The following DYM variants were observed in gnomAD, a reference collection of about 807,000 sequenced individuals.
DYM encodes dymeclin.
In DYM, 78 loss-of-function variants were observed where a neutral mutation model predicts 93.1. The ratio of observed to expected loss-of-function variants is 0.84; its 90% CI spans 0.70 to 1.01. The LOEUF (loss-of-function observed/expected upper bound fraction) is 1.01, where lower values mean the gene tolerates loss of function less well. Ranked by LOEUF, DYM falls within the 50% of genes least tolerant of loss-of-function variation. The pLI, the probability that DYM is intolerant of heterozygous loss-of-function variation, is 0.00. For synonymous variants in DYM, 321 were observed against 319.7 expected, an observed-to-expected ratio of 1.00 and a Z score of -0.04; for missense variants, 789 against 845.0, an observed-to-expected ratio of 0.93 and a Z score of 0.82.
intron 2 of DYM, among the ~76,000 whole-genome samples, chr18:49,407,553 A>AG (rs1340798902): frequency 6.6e-6 from 1 of 152,166 alleles, no homozygotes; most frequent in Non-Finnish European, 1.5e-5. Flanking sequence ...AGAGAGAGAA[A>AG]GGAAAGAGAT....
intron 15 of DYM, among the ~76,000 whole-genome samples, chr18:49,144,089 A>G (rs2084824618): frequency 6.6e-6 from 1 of 152,198 alleles, no homozygotes; most frequent in African/African-American, 2.4e-5. Context: ...TACAGGCAGA[A>G]TGAGAATTCA....
chr18:49,075,895 C>CTGA (rs1435577381), intron 17 of DYM, among the ~76,000 whole-genome samples: 1 of 152,174 alleles, frequency 6.6e-6, no homozygotes, highest in East Asian at 1.9e-4. Context: ...CAGTAAAGAT[C>CTGA]TGATGTAACA....
At chr18:49,155,018 G>A (rs908445676) in intron 15 of DYM, among the ~76,000 whole-genome samples, 1 of 152,170 alleles carries the variant, frequency 6.6e-6, no homozygotes, top group Admixed American at 6.5e-5. Context: ...CATGTAGATT[G>A]ATTTCATTTA....
At chr18:49,420,649 C>G (rs139176115) in intron 2 of DYM, among the ~76,000 whole-genome samples, 1 of 152,160 alleles carries the variant, frequency 6.6e-6, no homozygotes, top group Non-Finnish European at 1.5e-5. Context: ...GTTCATCTCA[C>G]TGGGGCTTGT....
intron 16 of DYM, among the ~76,000 whole-genome samples, chr18:49,098,596 C>T (rs1213634661): frequency 6.6e-6 from 1 of 152,226 alleles, no homozygotes; most frequent in Non-Finnish European, 1.5e-5. Context: ...TGGCTGGTGA[C>T]ACTGCTTGTG....
At chr18:49,157,158 C>T (rs1175130569) in intron 15 of DYM, among the ~76,000 whole-genome samples, 1 of 152,098 alleles carries the variant, frequency 6.6e-6, no homozygotes, top group Non-Finnish European at 1.5e-5. Flanking sequence ...AGTAACTACC[C>T]AGATGTTCCC....
chr18:49,112,855 A>T (rs2081551385), intron 16 of DYM, among the ~76,000 whole-genome samples: 1 of 152,146 alleles, frequency 6.6e-6, no homozygotes, highest in Non-Finnish European at 1.5e-5. Context: ...CTGTGCCTAG[A>T]GTGCTCTGTC....
chr18:49,318,671 G>T (rs1474507851), intron 8 of DYM, among the ~76,000 whole-genome samples: 3 of 151,700 alleles, frequency 2.0e-5, no homozygotes, highest in Admixed American at 6.6e-5. Flanking sequence ...TAAAAATAAG[G>T]GTCCCACAAT....
intron 8 of DYM, among the ~76,000 whole-genome samples, chr18:49,287,111 T>C (rs563666295): frequency 6.6e-6 from 1 of 151,938 alleles, no homozygotes; most frequent in African/African-American, 2.4e-5. Flanking sequence ...AGCTTGAACC[T>C]GGGAAGCAGA....
chr18:49,084,196 C>T (rs537109547), intron 17 of DYM, among the ~76,000 whole-genome samples: 1 of 152,170 alleles, frequency 6.6e-6, no homozygotes, highest in African/African-American at 2.4e-5. Context: ...TCATTTAGTT[C>T]AAACTGTCTT....
intron 13 of DYM, among the ~76,000 whole-genome samples, chr18:49,238,304 C>T (rs1317890543): frequency 6.6e-6 from 1 of 152,064 alleles, no homozygotes; most frequent in Non-Finnish European, 1.5e-5. Context: ...CTATGTGATA[C>T]CCTTTTAAGT....
chr18:49,045,617 C>A (rs759293196), intron 17 of DYM, among the ~76,000 whole-genome samples: 1 of 152,188 alleles, frequency 6.6e-6, no homozygotes, highest in African/African-American at 2.4e-5. Flanking sequence ...GAAGGTAAAT[C>A]TTCATGGAGG....
At chr18:49,093,539 C>T (rs562643524) in intron 17 of DYM, among the ~76,000 whole-genome samples, 3 of 151,984 alleles carry the variant, frequency 2.0e-5, no homozygotes, top group Non-Finnish European at 4.4e-5. Context: ...AGGGCGGCAA[C>T]GTGGAGGGAA....
At chr18:49,290,351 T>A (rs547150199) in intron 8 of DYM, among the ~76,000 whole-genome samples, 1 of 151,474 alleles carries the variant, frequency 6.6e-6, no homozygotes, top group African/African-American at 2.4e-5. Context: ...CATATATGTA[T>A]CCATATGTAC....
intron 5 of DYM, among the ~76,000 whole-genome samples, chr18:49,366,663 AG>A (rs1336294811): frequency 1.3e-5 from 2 of 152,190 alleles, no homozygotes; most frequent in African/African-American, 4.8e-5. Context: ...TCCCTTAAAG[AG>A]TTTTAAATTA....
chr18:49,389,655 C>G (rs535396463), intron 3 of DYM, among the ~76,000 whole-genome samples: 2 of 152,054 alleles, frequency 1.3e-5, no homozygotes, highest in Non-Finnish European at 2.9e-5. Flanking sequence ...TGCCACCATG[C>G]CTGGTTAAGT....
intron 8 of DYM, among the ~76,000 whole-genome samples, chr18:49,289,772 T>TATAC (rs1555678772): frequency 1.3e-3 from 49 of 36,586 alleles, no homozygotes; most frequent in South Asian, 5.8e-3. Flanking sequence ...TATATATATA[T>TATAC]ACACATATAT....
At chr18:49,377,898 C>T (rs1343506139) in intron 5 of DYM, among the ~76,000 whole-genome samples, 1 of 152,182 alleles carries the variant, frequency 6.6e-6, no homozygotes, top group African/African-American at 2.4e-5. Context: ...GAGATGTTAA[C>T]ATATGACCTT....
At chr18:49,242,493 TAA>T (rs2094041788) in intron 13 of DYM, among the ~76,000 whole-genome samples, 1 of 152,062 alleles carries the variant, frequency 6.6e-6, no homozygotes, top group African/African-American at 2.4e-5. Flanking sequence ...CATTGAAAAA[TAA>T]AGTTTCCTGA....
Sources: gnomAD v4.1 joint callset for allele counts (sites outside exome capture counted in the v4.1 genomes callset) on GRCh38, gnomAD v4.1.1 for gene constraint, MANE v1.5 for transcripts, NCBI Gene and HGNC (gene_info 2026-07-23, HGNC 2026-07-21) for gene names.